SETBP1: variants seen among roughly 807,000 people sequenced by gnomAD.
SETBP1 encodes SET binding protein 1, also known as SET-binding protein.
Under a neutral mutation model 101.0 loss-of-function variants are expected in SETBP1, and 9 were observed. The ratio of observed to expected loss-of-function variants is 0.09; its 90% CI spans 0.05 to 0.16. The LOEUF (loss-of-function observed/expected upper bound fraction) is 0.16. Ranked by LOEUF, SETBP1 falls within the 10% of genes least tolerant of loss-of-function variation. SETBP1 has a pLI of 1.00. For synonymous variants in SETBP1, 818 were observed against 788.5 expected (o/e 1.04, Z -0.63); for missense variants, 1,858 against 2,033.8 (o/e 0.91, Z 1.66).
chr18:44,722,793 T>A (rs2069628570), intron 2 of SETBP1, among the ~76,000 whole-genome samples: 1 of 152,248 alleles, frequency 6.6e-6, no homozygotes, highest in Admixed American at 6.5e-5. Flanking sequence ...AGGACGGTTC[T>A]CTAGTAGGCT....
At chr18:44,924,711 G>A (rs1018679012) in intron 3 of SETBP1, among the ~76,000 whole-genome samples, 1 of 152,094 alleles carries the variant, frequency 6.6e-6, no homozygotes, top group Non-Finnish European at 1.5e-5. Flanking sequence ...ATAGACCCTA[G>A]GGTTGTTTCC....
chr18:45,052,990 T>G (rs566386736), intron 5 of SETBP1, among the ~76,000 whole-genome samples: 24 of 152,342 alleles, frequency 1.6e-4, no homozygotes, highest in African/African-American at 5.1e-4. Flanking sequence ...TTTGCAGATT[T>G]AAATAGAAGG....
At position 45,063,462 on chromosome 18, in the gene SETBP1, G is replaced by A; in HGVS notation, c.4555G>A (p.Ala1519Thr). The A allele has an allele frequency of 1.4e-6, 2 of 1,471,344 alleles. No individual in the cohort carries two copies. The highest frequency in any genetic ancestry group is 1.8e-6 in the Non-Finnish European group (2 of 1,114,398). 91.1% of individuals were successfully genotyped at this position (1,471,344 alleles called of 1,614,324 possible). A position where few individuals can be genotyped will look rare whatever the true frequency, so the allele number is the denominator to read the frequency against. The change falls in exon 6 of 6, where the codon GCG becomes ACG. Residue 1519 changes from alanine (A) to threonine (T), a missense_variant. This residue lies in a region of SETBP1 where 178 missense variants were observed against 189.1 expected (regional missense o/e 0.94). Coordinates refer to ENST00000649279, the MANE Select transcript of SETBP1 (RefSeq NM_015559.3). ...GGCGGTCATCCACATGGCCCGGGAG[G>A]CGCCGCCCCTGCCCCCGCCACCGCC... ...IEAVIHMARE[A>T]PPLPPPPPPP...
chr18:44,729,857 CG>C (rs1383046427), intron 2 of SETBP1, among the ~76,000 whole-genome samples: 2 of 152,124 alleles, frequency 1.3e-5, no homozygotes, highest in Non-Finnish European at 2.9e-5. Context: ...CAGGAGGTCC[CG>C]GGGAGGCTGT....
chr18:44,855,265 T>C (rs1157575459), intron 2 of SETBP1, among the ~76,000 whole-genome samples: 2 of 152,218 alleles, frequency 1.3e-5, no homozygotes, highest in Non-Finnish European at 2.9e-5. Flanking sequence ...TTTGGGTTTT[T>C]TTTTGGTTCG....
At chr18:44,892,788 C>T (rs888058727) in intron 3 of SETBP1, among the ~76,000 whole-genome samples, 1 of 152,090 alleles carries the variant, frequency 6.6e-6, no homozygotes, top group African/African-American at 2.4e-5. Context: ...GTTATCAGAA[C>T]TCCCTTAAAT....
chr18:44,900,737 A>C (rs2070024904), intron 3 of SETBP1, among the ~76,000 whole-genome samples: 1 of 152,100 alleles, frequency 6.6e-6, no homozygotes, highest in Non-Finnish European at 1.5e-5. Flanking sequence ...TACTGTTTTA[A>C]CCAGCCCTCC....
At chr18:44,801,998 A>G (rs1447224134) in intron 2 of SETBP1, among the ~76,000 whole-genome samples, 1 of 152,272 alleles carries the variant, frequency 6.6e-6, no homozygotes, top group East Asian at 1.9e-4. Context: ...AAGGAATTAG[A>G]CAGCCTGTAG....
chr18:44,994,534 C>T (rs1437055660), intron 4 of SETBP1, among the ~76,000 whole-genome samples: 2 of 152,200 alleles, frequency 1.3e-5, no homozygotes, highest in African/African-American at 4.8e-5. Context: ...TTTCATTCCT[C>T]CATGTCTGTT....
intron 2 of SETBP1, among the ~76,000 whole-genome samples, chr18:44,802,618 C>G (rs1163042174): frequency 2.0e-5 from 3 of 152,064 alleles, no homozygotes; most frequent in Non-Finnish European, 4.4e-5. Flanking sequence ...ATTCCTTGTC[C>G]CACCCATGTG....
Position 44,782,339 on chromosome 18 carries a change from A to AT in SETBP1, c.486+80513dup, listed in dbSNP as rs1599119437. Among the ~76,000 whole-genome samples, 18 of 151,342 alleles carry AT rather than the reference A, an allele frequency of 1.2e-4. No individual in the cohort carries two copies. In the East Asian group the frequency reaches 3.3e-3, roughly 28 times the overall value. ...TTTTTTTTTTTCCAAAAAGAAATGTATTTTTTGCTACGTAGCCAACATGAC... is the reference window on the plus strand; with the variant it reads ...TTTTTTTTTTTCCAAAAAGAAATGTATTTTTTTGCTACGTAGCCAACATGAC... On this transcript the variant is annotated intron_variant, in intron 2 of 5. Coordinates refer to ENST00000649279, the MANE Select transcript of SETBP1 (RefSeq NM_015559.3).
At chr18:44,913,387 T>TG (rs2070357087) in intron 3 of SETBP1, among the ~76,000 whole-genome samples, 1 of 152,214 alleles carries the variant, frequency 6.6e-6, no homozygotes, top group Non-Finnish European at 1.5e-5. Flanking sequence ...TCCGTCCTCC[T>TG]GGCTACCTCT....
At chr18:44,973,084 A>T (rs955586504) in intron 4 of SETBP1, among the ~76,000 whole-genome samples, 1 of 152,130 alleles carries the variant, frequency 6.6e-6, no homozygotes, top group Admixed American at 6.5e-5. Context: ...TTTTTAGCAT[A>T]AAGGGTAGTT....
chr18:44,965,524 G>A (rs577523269), intron 4 of SETBP1, among the ~76,000 whole-genome samples: 2 of 152,072 alleles, frequency 1.3e-5, no homozygotes, highest in Non-Finnish European at 2.9e-5. Flanking sequence ...ATTTCAAAAA[G>A]CATCTCCCCT....
chr18:44,805,376 G>T (rs2144797772), intron 2 of SETBP1, among the ~76,000 whole-genome samples: 1 of 151,962 alleles, frequency 6.6e-6, no homozygotes, highest in East Asian at 1.9e-4. Flanking sequence ...CCATGGGGAT[G>T]GCTGTGGGTC....
chr18:44,930,149 C>T (rs895205390), intron 3 of SETBP1, among the ~76,000 whole-genome samples: 6 of 152,094 alleles, frequency 3.9e-5, no homozygotes, highest in South Asian at 2.1e-4. Flanking sequence ...GCATGAAGCG[C>T]TGTTGAATTT....
At chr18:44,751,395 G>C (rs867852254) in intron 2 of SETBP1, among the ~76,000 whole-genome samples, 1 of 152,152 alleles carries the variant, frequency 6.6e-6, no homozygotes, top group African/African-American at 2.4e-5. Context: ...AGATGAGAGA[G>C]GTTATCAGAT....
chr18:45,036,119 G>A (rs187972422), intron 4 of SETBP1, among the ~76,000 whole-genome samples: 142 of 152,240 alleles, frequency 9.3e-4, no homozygotes, highest in Non-Finnish European at 1.9e-3. Context: ...AGATCACAAT[G>A]TCAGGAGATC....
intron 2 of SETBP1, among the ~76,000 whole-genome samples, chr18:44,710,039 C>T (rs1407794999): frequency 1.3e-5 from 2 of 152,008 alleles, no homozygotes; most frequent in Non-Finnish European, 2.9e-5. Context: ...AAGTCGGCCC[C>T]TCTTCCTCAT....
Sources: gnomAD v4.1 joint callset for allele counts (sites outside exome capture counted in the v4.1 genomes callset) on GRCh38, gnomAD v4.1.1 for gene constraint, gnomAD v4.1.1 regional missense constraint, MANE v1.5 for transcripts, NCBI Gene and HGNC (gene_info 2026-07-23, HGNC 2026-07-21) for gene names.